Variants in KIF6 observed in about 807,000 individuals in gnomAD.
KIF6 encodes kinesin family member 6.
A neutral mutation model predicts 112.7 loss-of-function variants in KIF6; 106 were observed. That is an observed-to-expected ratio of 0.94 (90% CI 0.80 to 1.11). KIF6 has a LOEUF of 1.11. KIF6 is among the 50% of genes least tolerant of loss of function. The pLI, the probability that KIF6 is intolerant of heterozygous loss-of-function variation, is 0.00. For missense variants in KIF6, 929 were observed against 964.0 expected, an observed-to-expected ratio of 0.96 and a Z score of 0.48; for synonymous variants, 339 against 339.9, an observed-to-expected ratio of 1.00 and a Z score of 0.03.
At chr6:39,441,743 T>C (rs754181183) in intron 13 of KIF6, among the ~76,000 whole-genome samples, 14 of 152,216 alleles carry the variant, frequency 9.2e-5, no homozygotes, top group Non-Finnish European at 1.8e-4. Flanking sequence ...CTCCTCTCGA[T>C]TGACAATTTC....
At chr6:39,677,545 A>ATTTTTG (rs1787228145) in intron 3 of KIF6, among the ~76,000 whole-genome samples, 1 of 83,208 alleles carries the variant, frequency 1.2e-5, no homozygotes, top group East Asian at 4.2e-4. Flanking sequence ...ATTTATTTTT[A>ATTTTTG]TTTTACTCTA....
At chr6:39,628,068 G>A (rs1472763284) in intron 5 of KIF6, among the ~76,000 whole-genome samples, 6 of 151,984 alleles carry the variant, frequency 3.9e-5, no homozygotes, top group South Asian at 2.1e-4. Context: ...TGAGATTATT[G>A]TAGATTCACA....
chr6:39,585,455 C>T (rs1450992723), intron 8 of KIF6, among the ~76,000 whole-genome samples: 1 of 152,216 alleles, frequency 6.6e-6, no homozygotes, highest in Non-Finnish European at 1.5e-5. Flanking sequence ...GGTACTGGTC[C>T]ATGGCTCGGG....
At chr6:39,444,633 T>A (rs1409351088) in intron 13 of KIF6, among the ~76,000 whole-genome samples, 1 of 152,162 alleles carries the variant, frequency 6.6e-6, no homozygotes, top group Non-Finnish European at 1.5e-5. Flanking sequence ...TTGGGCTCTA[T>A]ACCTCCTCAT....
intron 3 of KIF6, among the ~76,000 whole-genome samples, chr6:39,646,731 T>C (rs942128197): frequency 4.6e-5 from 7 of 152,216 alleles, no homozygotes; most frequent in African/African-American, 9.6e-5. Flanking sequence ...GCTATATACA[T>C]GTTTAATCTG....
At chr6:39,382,542 C>T (rs901083288) in intron 16 of KIF6, among the ~76,000 whole-genome samples, 1 of 152,108 alleles carries the variant, frequency 6.6e-6, no homozygotes, top group African/African-American at 2.4e-5. Context: ...ATGTGTACCA[C>T]ATTTTCTTTA....
At chr6:39,641,268 C>T (rs1431314199) in intron 3 of KIF6, among the ~76,000 whole-genome samples, 1 of 151,988 alleles carries the variant, frequency 6.6e-6, no homozygotes. Flanking sequence ...GTAAAATATT[C>T]TAGGCATTAT....
At chr6:39,537,845 C>T (rs1778537016) in intron 13 of KIF6, among the ~76,000 whole-genome samples, 1 of 152,196 alleles carries the variant, frequency 6.6e-6, no homozygotes, top group Admixed American at 6.5e-5. Context: ...ACCAAAACAG[C>T]ATGGTACTGG....
chr6:39,587,581 A>T (rs188333295), intron 7 of KIF6, among the ~76,000 whole-genome samples: 2 of 151,978 alleles, frequency 1.3e-5, no homozygotes, highest in Non-Finnish European at 2.9e-5. Flanking sequence ...CTTTTTCTTC[A>T]AACCTTTGTT....
intron 5 of KIF6, among the ~76,000 whole-genome samples, chr6:39,633,963 T>C (rs1469526629): frequency 6.6e-6 from 1 of 151,988 alleles, no homozygotes; most frequent in Non-Finnish European, 1.5e-5. Context: ...GAAAGAAGAG[T>C]CCCATATCCA....
chr6:39,454,633 C>G (rs1581892973), intron 13 of KIF6, among the ~76,000 whole-genome samples: 6 of 152,128 alleles, frequency 3.9e-5, no homozygotes, highest in African/African-American at 1.4e-4. Context: ...TAGGGAGTGC[C>G]AGACAGTGGG....
intron 13 of KIF6, among the ~76,000 whole-genome samples, chr6:39,537,736 CA>C (rs1371485494): frequency 2.0e-5 from 3 of 152,130 alleles, no homozygotes; most frequent in South Asian, 4.2e-4. Context: ...CATACGGAAC[CA>C]AAAAAGAGCC....
In KIF6 at chr6:39,331,870, C is replaced by T. The variant is rs974819345; in HGVS notation, c.*4662G>A. On this transcript the variant is annotated 3_prime_UTR_variant, in exon 23 of 23. Transcript: ENST00000287152. ...TTTCTGCCTAGATTTGAAACACACA[C>T]CCATTGCATTTTAAAAAATGTTTCT... 5.3e-5 allele frequency: 8 copies of T among 152,298 alleles called. No individual in the cohort carries two copies. The highest frequency in any genetic ancestry group is 1.7e-4 in the African/African-American group (7 of 41,570). 9.4% of individuals were successfully genotyped at this position (152,298 alleles called of 1,614,324 possible).
intron 3 of KIF6, among the ~76,000 whole-genome samples, chr6:39,641,748 G>C (rs1784913009): frequency 6.6e-6 from 1 of 151,906 alleles, no homozygotes; most frequent in Non-Finnish European, 1.5e-5. Flanking sequence ...TACGAAAAGT[G>C]AGTAGGTAGT....
intron 15 of KIF6, among the ~76,000 whole-genome samples, chr6:39,408,645 CTT>C (rs1181219614): frequency 6.6e-6 from 1 of 151,992 alleles, no homozygotes; most frequent in Non-Finnish European, 1.5e-5. Flanking sequence ...CTCTCTCTCT[CTT>C]TCTTTCTCTC....
At chr6:39,362,407 A>C in intron 17 of KIF6, 27 bp downstream of exon 17, 1 of 1,577,340 alleles carries the variant, frequency 6.3e-7, no homozygotes, top group Middle Eastern at 1.8e-4. Flanking sequence ...CTGGGCTCGG[A>C]CTGTGTGTGG....
At chr6:39,337,129 C>T (rs867590490) in intron 22 of KIF6, among the ~76,000 whole-genome samples, 25 of 93,414 alleles carry the variant, frequency 2.7e-4, no homozygotes, top group East Asian at 9.8e-4. Context: ...TCTTTCTTTC[C>T]TCCTTCCTTC....
intron 15 of KIF6, among the ~76,000 whole-genome samples, chr6:39,406,471 C>T (rs1166491852): frequency 1.3e-5 from 2 of 151,916 alleles, no homozygotes; most frequent in Non-Finnish European, 2.9e-5. Flanking sequence ...GAGTTTTGTT[C>T]TTATCTTTAT....
At chr6:39,487,354 C>G (rs1038099987) in intron 13 of KIF6, among the ~76,000 whole-genome samples, 3 of 152,184 alleles carry the variant, frequency 2.0e-5, no homozygotes, top group Non-Finnish European at 2.9e-5. Context: ...GAATTGCCCT[C>G]TGCTACTGCC....
Sources: allele counts gnomAD v4.1 joint callset (sites outside exome capture counted in the v4.1 genomes callset), GRCh38; gene constraint gnomAD v4.1.1; transcripts MANE v1.5; gene names NCBI Gene and HGNC (gene_info 2026-07-23, HGNC 2026-07-21).